The following SLC9C2 variants were observed in gnomAD, a reference collection of about 807,000 sequenced individuals.
SLC9C2 encodes sodium/hydrogen exchanger 11.
Under a neutral mutation model 140.2 loss-of-function variants are expected in SLC9C2, and 75 were observed. The ratio of observed to expected loss-of-function variants is 0.53; its 90% confidence interval spans 0.44 to 0.65. The LOEUF (loss-of-function observed/expected upper bound fraction) is 0.65, where lower values mean the gene tolerates loss of function less well. Ranked by LOEUF, SLC9C2 falls within the 30% of genes least tolerant of loss-of-function variation. SLC9C2 has a pLI of 0.00. For synonymous variants in SLC9C2, 375 were observed against 420.9 expected (o/e 0.89, Z 1.34); for missense variants, 1,074 against 1,331.8 (o/e 0.81, Z 3.01).
At chr1:173,533,359 A>C (rs1382443365) in intron 17 of SLC9C2, among the ~76,000 whole-genome samples, 2 of 152,174 alleles carry the variant, frequency 1.3e-5, no homozygotes, top group African/African-American at 4.8e-5. Context: ...AGCTCACTGC[A>C]GCCTCACCTC....
At chr1:173,572,699 A>T (rs1029310689) in intron 9 of SLC9C2, among the ~76,000 whole-genome samples, 1 of 152,234 alleles carries the variant, frequency 6.6e-6, no homozygotes, top group African/African-American at 2.4e-5. Flanking sequence ...ATTCACATCA[A>T]TGGCATACAG....
chr1:173,517,622 C>T lies in SLC9C2; in HGVS notation c.2822G>A (p.Cys941Tyr). 1.2e-6 allele frequency: 2 copies of T among 1,614,014 alleles called. No individual in the cohort carries two copies. The highest frequency in any genetic ancestry group is 1.1e-5 in the South Asian group (1 of 91,082). Residue 941 changes from cysteine (C) to tyrosine (Y), a missense_variant, in exon 23 of 28, where the codon TGT (cysteine) becomes TAT (tyrosine). Cys to Tyr is a radical substitution (Grantham distance 194). Transcript: ENST00000367714. ...RGSRDMFTEF[C>Y]TTGDIIGELS... ...CTCTCCAATTATGTCCCCAGTAGTA[C>T]AGAACTCTGTAAACATGTCTCTGGA...
At chr1:173,553,711 G>A (rs1483119612) in intron 11 of SLC9C2, among the ~76,000 whole-genome samples, 1 of 152,136 alleles carries the variant, frequency 6.6e-6, no homozygotes, top group Non-Finnish European at 1.5e-5. Context: ...ATATGTACTG[G>A]GAAACCATAT....
chr1:173,518,833 A>G (rs1357871982), intron 22 of SLC9C2, among the ~76,000 whole-genome samples: 1 of 152,144 alleles, frequency 6.6e-6, no homozygotes, highest in African/African-American at 2.4e-5. Flanking sequence ...TCTTTGAGCA[A>G]TGAAGAATGC....
intron 9 of SLC9C2, among the ~76,000 whole-genome samples, chr1:173,566,311 G>A (rs956710881): frequency 6.6e-6 from 1 of 152,008 alleles, no homozygotes; most frequent in Admixed American, 6.6e-5. Context: ...CATCAGGTCA[G>A]GGCTTATCTT....
intron 27 of SLC9C2, among the ~76,000 whole-genome samples, chr1:173,502,661 G>C (rs896096011): frequency 6.6e-6 from 1 of 152,188 alleles, no homozygotes; most frequent in African/African-American, 2.4e-5. Flanking sequence ...AAAAGATGTA[G>C]GGGCAAACAT....
At chr1:173,579,053 G>T (rs1324415738) in intron 7 of SLC9C2, among the ~76,000 whole-genome samples, 1 of 152,176 alleles carries the variant, frequency 6.6e-6, no homozygotes, top group Admixed American at 6.5e-5. Flanking sequence ...GTTGAAATCA[G>T]TATATATAGC....
At chr1:173,543,145 G>A (rs1391892497) in intron 13 of SLC9C2, among the ~76,000 whole-genome samples, 2 of 152,286 alleles carry the variant, frequency 1.3e-5, no homozygotes, top group Admixed American at 1.3e-4. Flanking sequence ...AAGCTGATAA[G>A]CAACTTCAGC....
intron 23 of SLC9C2, among the ~76,000 whole-genome samples, chr1:173,514,195 T>A (rs1660251787): frequency 6.6e-6 from 1 of 152,200 alleles, no homozygotes; most frequent in Non-Finnish European, 1.5e-5. Flanking sequence ...CAGAGCTGAG[T>A]TCAGGTCCTG....
At chr1:173,501,132 A>G (rs747420754) in intron 27 of SLC9C2, 35 bp from the exon 28 acceptor site, 75 of 1,503,732 alleles carry the variant, frequency 5.0e-5, no homozygotes, top group Middle Eastern at 3.6e-4. Flanking sequence ...ATATTAGCCT[A>G]TAAACATTTC....
intron 19 of SLC9C2, 128 bp downstream of exon 19, chr1:173,526,535 G>T: frequency 1.2e-6 from 1 of 849,256 alleles, no homozygotes; most frequent in Non-Finnish European, 1.9e-6. Flanking sequence ...CATTAGCTGT[G>T]TTTAATAAAT....
At chr1:173,550,420 TTTTATTTATTTA>T (rs754602433) in intron 11 of SLC9C2, among the ~76,000 whole-genome samples, 66 of 143,388 alleles carry the variant, frequency 4.6e-4, no homozygotes, top group Non-Finnish European at 9.0e-4. Flanking sequence ...TATTTTTTTA[TTTTATTTATTTA>T]TTTATTTATT....
intron 14 of SLC9C2, 45 bp downstream of exon 14, chr1:173,536,897 G>A (rs753276477): frequency 3.1e-6 from 4 of 1,293,074 alleles, no homozygotes; most frequent in Non-Finnish European, 3.4e-6. Flanking sequence ...TCATCATATA[G>A]TCATTCAATT....
intron 4 of SLC9C2, among the ~76,000 whole-genome samples, chr1:173,590,422 CT>C (rs1666093761): frequency 6.6e-6 from 1 of 151,984 alleles, no homozygotes; most frequent in Non-Finnish European, 1.5e-5. Context: ...TAAAATAGTC[CT>C]CCTTTATCTG....
rs994648548 is a variant in SLC9C2, at chr1:173,557,490, T to G, written c.1065A>C (p.Leu355Phe). 1.2e-6 allele frequency: 2 copies of G among 1,612,512 alleles called. No individual in the cohort carries two copies. The change falls in exon 10 of 28, where the codon TTA (leucine) becomes TTC (phenylalanine). Residue 355 changes from leucine to phenylalanine, a missense_variant. Leu to Phe is a conservative substitution (Grantham distance 22). Coordinates refer to ENST00000367714, the MANE Select transcript of SLC9C2 (RefSeq NM_178527.4). ...TTGAATGCATCAAAATAGGGCTCAC[T>G]AACAAAATAGTAAGCAACCTGTGGA... Reference protein sequence around the residue: ...VNLVRLLTILLVSPILMHSNY... With the variant: ...VNLVRLLTILFVSPILMHSNY...
intron 5 of SLC9C2, among the ~76,000 whole-genome samples, chr1:173,586,170 T>C (rs1209597472): frequency 2.6e-4 from 39 of 151,512 alleles, no homozygotes; most frequent in Non-Finnish European, 7.4e-5. Flanking sequence ...ATAAGACAGG[T>C]AAGGAAAGAC....
In SLC9C2 at chr1:173,525,061, G is replaced by T. The variant is rs138005806; in HGVS notation, c.2366-134C>A. The T allele has an allele frequency of 7.0e-5, 69 of 985,328 alleles. No homozygotes were observed. The East Asian group carries it at 1.9e-3, about 27-fold the overall frequency. 61.0% of individuals were successfully genotyped at this position (985,328 alleles called of 1,614,324 possible). On this transcript the variant is annotated intron_variant, in intron 19 of 27. Coordinates refer to ENST00000367714, the MANE Select transcript of SLC9C2 (RefSeq NM_178527.4). ...TTCTAGTTTCATGCAGAACTCATGA[G>T]GTCAGCAGGCAAAGAGTTATTTTCA...
intron 11 of SLC9C2, among the ~76,000 whole-genome samples, chr1:173,551,598 T>C (rs1026015290): frequency 2.6e-5 from 4 of 152,192 alleles, no homozygotes; most frequent in Non-Finnish European, 4.4e-5. Context: ...ATTATATCCA[T>C]GATGGTGATA....
chr1:173,585,043 T>C (rs1239750709), intron 5 of SLC9C2, among the ~76,000 whole-genome samples: 1 of 152,206 alleles, frequency 6.6e-6, no homozygotes, highest in East Asian at 1.9e-4. Flanking sequence ...ATTTTAAAGT[T>C]GAAGTCCTTT....
Sources: allele counts gnomAD v4.1 joint callset (sites outside exome capture counted in the v4.1 genomes callset), GRCh38; gene constraint gnomAD v4.1.1; transcripts MANE v1.5; gene names NCBI Gene and HGNC (gene_info 2026-07-23, HGNC 2026-07-21).